Variants in PDE6D observed in about 807,000 individuals in gnomAD.
PDE6D encodes retinal rod rhodopsin-sensitive cGMP 3',5'-cyclic phosphodiesterase subunit delta.
PDE6D carries 10 observed loss-of-function variants against 21.9 expected under a neutral mutation model. The observed-to-expected ratio is 0.46, with a 90% CI of 0.28 to 0.78. The LOEUF is 0.78. PDE6D is among the 30% of genes least tolerant of loss of function. PDE6D has a pLI of 0.12. For missense variants in PDE6D, 139 were observed against 184.8 expected (o/e 0.75, Z 1.44); for synonymous variants, 59 against 63.5 (o/e 0.93, Z 0.34).
At chr2:231,733,770 A>G (rs1267609800) in intron 4 of PDE6D, among the ~76,000 whole-genome samples, 1 of 151,682 alleles carries the variant, frequency 6.6e-6, no homozygotes, top group Non-Finnish European at 1.5e-5. Context: ...ACAGAACACT[A>G]AATGATGCAC....
chr2:231,772,644 C>T (rs2049024602), intron 1 of PDE6D, among the ~76,000 whole-genome samples: 1 of 152,154 alleles, frequency 6.6e-6, no homozygotes, highest in South Asian at 2.1e-4. Flanking sequence ...TTTGTGGATG[C>T]AGAATGCTGA....
chr2:231,753,408 G>A (rs911345128), intron 1 of PDE6D, among the ~76,000 whole-genome samples: 1 of 151,650 alleles, frequency 6.6e-6, no homozygotes, highest in Non-Finnish European at 1.5e-5. Flanking sequence ...AAACATAGCT[G>A]GGCGTGGCGG....
chr2:231,767,326 T>C (rs1251365029), intron 1 of PDE6D, among the ~76,000 whole-genome samples: 1 of 144,262 alleles, frequency 6.9e-6, no homozygotes, highest in Non-Finnish European at 1.5e-5. Context: ...ATTATCCTTG[T>C]TTTTTTTTTT....
At chr2:231,762,339 CTTTTT>C (rs3074725) in intron 1 of PDE6D, among the ~76,000 whole-genome samples, 1 of 83,454 alleles carries the variant, frequency 1.2e-5, no homozygotes. Flanking sequence ...AGGACTAACG[CTTTTT>C]TTTTTTTTTT....
Position 231,747,799 on chromosome 2 carries a change from C to T in PDE6D, c.51-8611G>A, listed in dbSNP as rs150282023. On this transcript the variant is annotated intron_variant, in intron 1 of 4. Coordinates refer to ENST00000287600, the MANE Select transcript of PDE6D (RefSeq NM_002601.4). ...ACCAAGCAGCCTGAGTACTCTTAACCTTATTCTTCACAGCCTCAGGTCCTG... is the reference window on the plus strand; with the variant it reads ...ACCAAGCAGCCTGAGTACTCTTAACTTTATTCTTCACAGCCTCAGGTCCTG... 5.4e-4 allele frequency among the ~76,000 whole-genome samples: 83 copies of T among 152,320 alleles called. 1 individual carries two copies. Among genetic ancestry groups the T allele is most frequent in the African/African-American group, 1.9e-3 (79 of 41,580 alleles).
chr2:231,745,560 G>A (rs554292166), intron 1 of PDE6D, among the ~76,000 whole-genome samples: 1 of 152,302 alleles, frequency 6.6e-6, no homozygotes, highest in Admixed American at 6.5e-5. Context: ...CCTATGGGAA[G>A]CCTCCTGCTT....
At chr2:231,748,139 G>C (rs145283918) in intron 1 of PDE6D, among the ~76,000 whole-genome samples, 1 of 152,176 alleles carries the variant, frequency 6.6e-6, no homozygotes, top group Non-Finnish European at 1.5e-5. Context: ...TTTGAAACTG[G>C]GTAACAGGCA....
At chr2:231,778,628 T>C (rs908435668) in intron 1 of PDE6D, 5 of 152,226 alleles carry the variant, frequency 3.3e-5, no homozygotes, top group African/African-American at 1.2e-4. Context: ...GGTACTATTA[T>C]TTTCCCCATC....
chr2:231,743,883 AT>A (rs796897455), intron 1 of PDE6D, among the ~76,000 whole-genome samples: 2 of 152,226 alleles, frequency 1.3e-5, no homozygotes, highest in African/African-American at 4.8e-5. Flanking sequence ...TGCTCTATCA[AT>A]CCCCTCTGAG....
intron 1 of PDE6D, among the ~76,000 whole-genome samples, chr2:231,776,011 G>T (rs1176719402): frequency 6.6e-6 from 1 of 152,144 alleles, no homozygotes; most frequent in African/African-American, 2.4e-5. Context: ...CAAAACAGTA[G>T]ATACAGACTA....
rs1183454453 is a variant in PDE6D at position 231,781,270 on chromosome 2, T to G, written c.-156A>C. The G allele has an allele frequency of 3.1e-6, 2 of 654,340 alleles. No homozygotes were observed. The highest frequency in any genetic ancestry group is 2.9e-5 in the East Asian group (1 of 34,626). 40.5% of individuals were successfully genotyped at this position (654,340 alleles called of 1,614,324 possible). On this transcript the variant is annotated 5_prime_UTR_variant, in exon 1 of 5. Coordinates refer to ENST00000287600, the MANE Select transcript of PDE6D (RefSeq NM_002601.4). ...GGACCGGCCTCTCTCTCCCCTCAGC[T>G]CCCGCTTCTGATCCCTTCTCCTTCC...
chr2:231,744,468 C>T (rs1023834048), intron 1 of PDE6D, among the ~76,000 whole-genome samples: 20 of 144,570 alleles, frequency 1.4e-4, no homozygotes, highest in Non-Finnish European at 4.5e-5. Context: ...GAGTTTCGCT[C>T]TTGTTGCCCC....
At chr2:231,778,506 C>T (rs2049074676) in intron 1 of PDE6D, among the ~76,000 whole-genome samples, 1 of 152,150 alleles carries the variant, frequency 6.6e-6, no homozygotes, top group South Asian at 2.1e-4. Flanking sequence ...TGTGCAACTT[C>T]TCTAATAATA....
Position 231,739,364 on chromosome 2 carries a change from A to G in PDE6D, c.51-176T>C. Reference sequence around the variant, plus strand: ...GGAGAGTCAAAAAGACATCTAAAGGAAGAAGCAGAAACCTAGAGAAGTTAC... The same window carrying G: ...GGAGAGTCAAAAAGACATCTAAAGGGAGAAGCAGAAACCTAGAGAAGTTAC... On this transcript the variant is annotated intron_variant, in intron 1 of 4. Transcript: ENST00000287600. The surrounding 1 kb of genome is among the most constrained non-coding windows in gnomAD (Gnocchi z 4.2). The G allele has an allele frequency of 1.4e-6, 1 of 731,280 alleles. No homozygotes were observed. Among genetic ancestry groups the G allele is most frequent in the Non-Finnish European group, 2.5e-6 (1 of 396,432 alleles). The allele number at this position is 731,280 out of a possible 1,614,324, so 45.3% of individuals were successfully genotyped here. A position where few individuals can be genotyped will look rare whatever the true frequency, so the allele number is the denominator to read the frequency against.
In PDE6D at chr2:231,751,328, TA is replaced by T. The variant is rs555222566; in HGVS notation, c.51-12141del. Among the ~76,000 whole-genome samples the T allele has an allele frequency of 1.1e-4, 16 of 152,254 alleles. No individual in the cohort carries two copies. The South Asian group carries it at 3.1e-3, about 30-fold the overall frequency. ...TTACCACCTCGTGTGGCTAATTTTT[TA>T]AAAACATTTTTTATAGAGATGGGGC... On this transcript the variant is annotated intron_variant, in intron 1 of 4. Transcript: ENST00000287600.
chr2:231,734,145 C>T (rs1290206860), intron 4 of PDE6D, among the ~76,000 whole-genome samples: 1 of 151,232 alleles, frequency 6.6e-6, no homozygotes, highest in Admixed American at 6.6e-5. Flanking sequence ...ACCCGGGAGG[C>T]GGAGCTTGCA....
chr2:231,775,742 A>G (rs2049051118), intron 1 of PDE6D, among the ~76,000 whole-genome samples: 1 of 152,122 alleles, frequency 6.6e-6, no homozygotes, highest in Non-Finnish European at 1.5e-5. Context: ...TGCTTATCCT[A>G]TTGATTTGTA....
intron 1 of PDE6D, among the ~76,000 whole-genome samples, chr2:231,768,993 C>T (rs910879422): frequency 1.8e-4 from 27 of 152,008 alleles, no homozygotes; most frequent in African/African-American, 4.1e-4. Context: ...CTCAGCCTCC[C>T]GAGTAGCTGG....
At chr2:231,770,846 G>A (rs1312761843) in intron 1 of PDE6D, among the ~76,000 whole-genome samples, 1 of 151,860 alleles carries the variant, frequency 6.6e-6, no homozygotes. Context: ...CCAGCTGCTC[G>A]GGAGACTGAG....
Sources: allele counts gnomAD v4.1 joint callset (sites outside exome capture counted in the v4.1 genomes callset), GRCh38; gene constraint gnomAD v4.1.1; non-coding constraint Gnocchi (gnomAD v3.1); transcripts MANE v1.5; gene names NCBI Gene and HGNC (gene_info 2026-07-23, HGNC 2026-07-21).